Variants in WDR81 observed in about 807,000 individuals in gnomAD.
WDR81 encodes the protein WD repeat-containing protein 81.
WDR81 carries 92 observed loss-of-function variants against 140.8 expected under a neutral mutation model. The ratio of observed to expected loss-of-function variants is 0.65; its 90% CI spans 0.55 to 0.78. WDR81 has a LOEUF of 0.78. Ranked by LOEUF, WDR81 falls within the 30% of genes least tolerant of loss-of-function variation. The pLI, the probability that WDR81 is intolerant of heterozygous loss-of-function variation, is 0.00. For synonymous variants in WDR81, 1,183 were observed against 1,156.4 expected (o/e 1.02, Z -0.47); for missense variants, 2,502 against 2,636.4 (o/e 0.95, Z 1.12).
intron 1 of WDR81, among the ~76,000 whole-genome samples, chr17:1,719,656 A>G (rs4790815): frequency 0.71 from 108,003 of 151,538 alleles, 38,593 homozygotes; most frequent in East Asian, 0.9. Flanking sequence ...TTTGAGCCCA[A>G]GAGTTCAAGA....
chr17:1,736,228 C>A lies in WDR81; in HGVS notation c.5505+10C>A. ...CATTCTGCAGATCAAGGTGACGGGC[C>A]GGGTCTCCCTCCCCTTGCTGCCCAA... On this transcript the variant is annotated intron_variant, in intron 9 of 9. Coordinates refer to ENST00000409644, the MANE Select transcript of WDR81 (RefSeq NM_001163809.2). 1 of 1,591,698 alleles carries A rather than the reference C, an allele frequency of 6.3e-7. No homozygotes were observed. The highest frequency in any genetic ancestry group is 8.5e-7 in the Non-Finnish European group (1 of 1,175,814).
Position 1,727,825 on chromosome 17 carries a change from A to C in WDR81, c.2866A>C (p.Lys956Gln). 2 of 1,550,644 alleles carry C rather than the reference A, an allele frequency of 1.3e-6. No homozygotes were observed. Among genetic ancestry groups the C allele is most frequent in the East Asian group, 2.4e-5 (1 of 40,922 alleles). ...FEPVAKALGPKNANKYLLKPL... is the reference protein window; with the variant it reads ...FEPVAKALGPQNANKYLLKPL... Reference sequence around the variant, plus strand: ...GCCTGTTGCCAAGGCACTGGGCCCCAAAAATGCCAATAAGTACCTCCTGAA... The same window carrying C: ...GCCTGTTGCCAAGGCACTGGGCCCCCAAAATGCCAATAAGTACCTCCTGAA... Residue 956 changes from lysine to glutamine, a missense_variant, in exon 1 of 10, where the codon AAA (lysine) becomes CAA (glutamine). Lys to Gln is a moderately conservative substitution (Grantham distance 53, BLOSUM62 1). Transcript: ENST00000409644.
At chr17:1,718,263 G>A (rs762521120) in intron 1 of WDR81, among the ~76,000 whole-genome samples, 1 of 152,064 alleles carries the variant, frequency 6.6e-6, no homozygotes, top group Non-Finnish European at 1.5e-5. Context: ...GATTACAGGC[G>A]TGCGCTACCA....
chr17:1,718,398 G>A (rs931286573), intron 1 of WDR81, among the ~76,000 whole-genome samples: 4 of 152,174 alleles, frequency 2.6e-5, no homozygotes, highest in South Asian at 2.1e-4. Flanking sequence ...GATTATAGGC[G>A]TGTGAGCCAC....
intron 1 of WDR81, among the ~76,000 whole-genome samples, chr17:1,729,209 G>A (rs567958835): frequency 1.7e-4 from 26 of 152,352 alleles, no homozygotes; most frequent in African/African-American, 5.8e-4. Flanking sequence ...GCCGGGCGCC[G>A]TGGCTCACGC....
intron 4 of WDR81, among the ~76,000 whole-genome samples, chr17:1,731,579 C>T (rs1396622979): frequency 6.6e-6 from 1 of 151,688 alleles, no homozygotes; most frequent in South Asian, 2.1e-4. Flanking sequence ...CAAGACCAGC[C>T]TGGGCAACAA....
At position 1,730,750 on chromosome 17, in the gene WDR81, G is replaced by A. The variant is rs1567723374; in HGVS notation, c.3776-5G>A. The stretch of plus-strand genomic sequence containing the variant: ...GACTCAGGGCTGCTGGCCCTTCCGT[G>A]GCAGGACCCACTCGGCAGCAGTTCA... On this transcript the variant is annotated splice_polypyrimidine_tract_variant and splice_region_variant and intron_variant, in intron 2 of 9. Transcript: ENST00000409644. 6.2e-6 allele frequency: 10 copies of A among 1,604,386 alleles called. No homozygotes were observed. Among genetic ancestry groups the A allele is most frequent in the Non-Finnish European group, 7.7e-6 (9 of 1,175,132 alleles).
In WDR81 at chr17:1,727,884, G is replaced by A; in HGVS notation, c.2925G>A (p.Gln975=). The A allele has an allele frequency of 6.4e-7, 1 of 1,550,752 alleles. No homozygotes were observed. The highest frequency in any genetic ancestry group is 8.7e-7 in the Non-Finnish European group (1 of 1,147,078). Residue 975 remains glutamine, a synonymous_variant, in exon 1 of 10, where the codon CAG becomes CAA. Transcript: ENST00000409644. ...PLIGAYESPC[Q]LHGRFYLYTD... ...TTGGTGCCTACGAGAGCCCCTGCCA[G>A]CTACACGGCCGCTTCTACCTGTACA... is the stretch of plus-strand genomic sequence containing the variant.
intron 1 of WDR81, among the ~76,000 whole-genome samples, chr17:1,719,216 CTTG>C (rs1914737691): frequency 6.6e-6 from 1 of 152,206 alleles, no homozygotes; most frequent in South Asian, 2.1e-4. Flanking sequence ...GAATTCAAGC[CTTG>C]TTGTAGGGAT....
intron 1 of WDR81, among the ~76,000 whole-genome samples, chr17:1,729,688 C>T (rs764527178): frequency 6.6e-6 from 1 of 151,928 alleles, no homozygotes; most frequent in Non-Finnish European, 1.5e-5. Context: ...GGGGACCGGG[C>T]GCGGTGCTTC....
In WDR81 at chr17:1,738,459, AGGAAGACTTAAGCATCCCTGC is replaced by A. The variant is rs1905074468; in HGVS notation, c.*776_*796del. 6.5e-6 allele frequency: 1 copy of A among 152,916 alleles called. No individual in the cohort carries two copies. Among genetic ancestry groups the A allele is most frequent in the South Asian group, 2.1e-4 (1 of 4,850 alleles). The allele number at this position is 152,916 out of a possible 1,614,324, so 9.5% of individuals were successfully genotyped here. On this transcript the variant is annotated 3_prime_UTR_variant, in exon 10 of 10. Coordinates refer to ENST00000409644, the MANE Select transcript of WDR81 (RefSeq NM_001163809.2). ...TCTCTGCACCTCGGGTCTCTGCCAG[AGGAAGACTTAAGCATCCCTGC>A]GACCTCACATTCTAGACAGAGATGA...
chr17:1,722,218 T>C (rs764651147), upstream of WDR81, among the ~76,000 whole-genome samples: 3 of 152,176 alleles, frequency 2.0e-5, no homozygotes, highest in Non-Finnish European at 2.9e-5. Flanking sequence ...TAATGCTCCA[T>C]ACAAGTTTGT....
In WDR81 at chr17:1,737,668, A is replaced by G. The variant is rs374995391; in HGVS notation, c.5809A>G (p.Ile1937Val). The change falls in exon 10 of 10, where the codon ATC (isoleucine) becomes GTC (valine). Residue 1937 changes from isoleucine to valine, a missense_variant. By Grantham distance (29) the Ile-to-Val change is conservative. Around this residue, in one of 3 missense-constraint regions of WDR81, gnomAD observed 1,737 missense variants for 1,843.0 expected, o/e 0.94. Transcript: ENST00000409644. ...CCTGCTGGGCTCAGACAACGGGGTT[A>G]TCCGCCTCCTGGCATAGACTGAGGC... is the stretch of plus-strand genomic sequence containing the variant. ...HLLLGSDNGV[I>V]RLLA The G allele has an allele frequency of 5.0e-6, 8 of 1,610,620 alleles. No homozygotes were observed. The highest frequency in any genetic ancestry group is 2.7e-5 in the African/African-American group (2 of 74,940).
At position 1,726,022 on chromosome 17, in the gene WDR81, G is replaced by C. The variant is rs968250463; in HGVS notation, c.1063G>C (p.Gly355Arg). 2 of 1,545,116 alleles carry C rather than the reference G, an allele frequency of 1.3e-6. No homozygotes were observed. Among genetic ancestry groups the C allele is most frequent in the East Asian group, 2.5e-5 (1 of 40,798 alleles). ...GAGCCTCGTGCTAGATTGGGTCCAC[G>C]GCCGCATCAGCAACTTCCACTACCT... The part of the protein sequence containing the change: ...LRSLVLDWVH[G>R]RISNFHYLMQ... The change falls in exon 1 of 10, where the codon GGC becomes CGC. Residue 355 changes from glycine to arginine, a missense_variant. Transcript: ENST00000409644.
Position 1,727,547 on chromosome 17 carries a change from TTC to T in WDR81, c.2591_2592del (p.Leu864GlnfsTer55). On this transcript the variant is annotated frameshift_variant, in exon 1 of 10. Transcript: ENST00000409644. LOFTEE classifies it high-confidence loss of function. The stretch of plus-strand genomic sequence containing the variant: ...CTGCCCCCACCCTGCCCAAGCCAGC[TTC>T]TCAGCCCCTTCAGCTCCGTGGTTCC... 6.4e-7 allele frequency: 1 copy of T among 1,550,456 alleles called. No homozygotes were observed. Among genetic ancestry groups the T allele is most frequent in the Non-Finnish European group, 8.7e-7 (1 of 1,147,012 alleles).
rs1915140660 is a variant in WDR81, at chr17:1,725,161, G to A, written c.202G>A (p.Asp68Asn). Residue 68 changes from aspartate (D) to asparagine (N), a missense_variant, in exon 1 of 10, where the codon GAT becomes AAT. Asp to Asn is a conservative substitution (Grantham distance 23). Transcript: ENST00000409644. ...TGCGCGCTGGCTGGCCAGCCTCCGC[G>A]ATCGCCGGCTGCCCCTGGGACCCTG... The part of the protein sequence containing the change: ...VPARWLASLR[D>N]RRLPLGPCPR... The A allele has an allele frequency of 1.3e-6, 2 of 1,533,898 alleles. No homozygotes were observed. The highest frequency in any genetic ancestry group is 1.7e-6 in the Non-Finnish European group (2 of 1,144,588).
At position 1,725,132 on chromosome 17, in the gene WDR81, T is replaced by A. The variant is rs1207038663; in HGVS notation, c.173T>A (p.Val58Glu). The part of the protein sequence containing the change: ...APGGTHVVAL[V>E]PARWLASLRD... Reference sequence around the variant, plus strand: ...GGGGGCACCCACGTGGTGGCCCTAGTGCCTGCGCGCTGGCTGGCCAGCCTC... The same window carrying A: ...GGGGGCACCCACGTGGTGGCCCTAGAGCCTGCGCGCTGGCTGGCCAGCCTC... The change falls in exon 1 of 10, where the codon GTG becomes GAG. Residue 58 changes from valine (V) to glutamate (E), a missense_variant. Val to Glu is a moderately radical substitution (Grantham distance 121). Coordinates refer to ENST00000409644, the MANE Select transcript of WDR81 (RefSeq NM_001163809.2). 1.3e-6 allele frequency: 2 copies of A among 1,530,266 alleles called. No homozygotes were observed. The highest frequency in any genetic ancestry group is 2.7e-5 in the African/African-American group (2 of 72,854). The allele number at this position is 1,530,266 out of a possible 1,614,324, so 94.8% of individuals were successfully genotyped here. A position where few individuals can be genotyped will look rare whatever the true frequency, so the allele number is the denominator to read the frequency against.
chr17:1,724,913 C>T lies in WDR81; in HGVS notation c.-47C>T, dbSNP rs1213204094. On this transcript the variant is annotated 5_prime_UTR_variant, in exon 1 of 10. Coordinates refer to ENST00000409644, the MANE Select transcript of WDR81 (RefSeq NM_001163809.2). ...ACCCCGGAAGCCGTCGCCAGCAGGG[C>T]CGTGGCTGGGCTCAGCCCCGCGCTG... is the stretch of plus-strand genomic sequence containing the variant. 3 of 1,317,914 alleles carry T rather than the reference C, an allele frequency of 2.3e-6. No individual in the cohort carries two copies. The highest frequency in any genetic ancestry group is 2.9e-6 in the Non-Finnish European group (3 of 1,037,140). 81.6% of individuals were successfully genotyped at this position (1,317,914 alleles called of 1,614,324 possible).
chr17:1,726,817 G>C lies in WDR81; in HGVS notation c.1858G>C (p.Glu620Gln). 2 of 1,549,770 alleles carry C rather than the reference G, an allele frequency of 1.3e-6. No individual in the cohort carries two copies. The highest frequency in any genetic ancestry group is 1.2e-5 in the South Asian group (1 of 84,066). Residue 620 changes from glutamate to glutamine, a missense_variant, in exon 1 of 10, where the codon GAG becomes CAG. By Grantham distance (29) the Glu-to-Gln change is conservative (BLOSUM62 2). Around this residue, in one of 3 missense-constraint regions of WDR81, gnomAD observed 1,737 missense variants for 1,843.0 expected, o/e 0.94. Transcript: ENST00000409644. ...VQTIQETTGR[E>Q]DFTENPGQLP... ...GACCATCCAGGAGACCACAGGCCGGGAGGACTTCACGGAAAACCCGGGACA... is the reference window on the plus strand; with the variant it reads ...GACCATCCAGGAGACCACAGGCCGGCAGGACTTCACGGAAAACCCGGGACA...
Sources: gnomAD v4.1 joint callset for allele counts (sites outside exome capture counted in the v4.1 genomes callset) on GRCh38, gnomAD v4.1.1 for gene constraint, gnomAD v4.1.1 regional missense constraint, MANE v1.5 for transcripts, NCBI Gene and HGNC (gene_info 2026-07-23, HGNC 2026-07-21) for gene names.